B9D1: variants seen among roughly 807,000 people sequenced by gnomAD.
B9D1 encodes B9 domain-containing protein 1.
A neutral mutation model predicts 26.1 loss-of-function variants in B9D1; 20 were observed. That is an observed-to-expected ratio of 0.77 (90% CI 0.54 to 1.12). The LOEUF (loss-of-function observed/expected upper bound fraction) is 1.12, where lower values mean the gene tolerates loss of function less well. Ranked by LOEUF, B9D1 falls within the 50% of genes most tolerant of loss-of-function variation. The pLI is 0.00. For synonymous variants in B9D1, 105 were observed against 103.1 expected (o/e 1.02, Z -0.11); for missense variants, 260 against 273.7 (o/e 0.95, Z 0.35).
chr17:19,340,033 ACCC>A (rs56279237), downstream of B9D1, among the ~76,000 whole-genome samples: 13,798 of 110,728 alleles, frequency 0.12, 2,296 homozygotes, highest in African/African-American at 0.39. Context: ...CACATGCCCA[ACCC>A]CCCCCCCCCC....
At chr17:19,362,847 C>CG (rs1171878353), upstream of B9D1, 1 of 775,582 alleles carries the variant, frequency 1.3e-6, no homozygotes, top group East Asian at 3.5e-5. Context: ...GTTGACCTGT[C>CG]GGGTAAAGCC....
At chr17:19,346,206 A>G (rs924725466) in intron 5 of B9D1, among the ~76,000 whole-genome samples, 8 of 152,168 alleles carry the variant, frequency 5.3e-5, no homozygotes, top group Non-Finnish European at 1.0e-4. Context: ...GGCCCAGGTC[A>G]TCTGGGAAAG....
downstream of B9D1, among the ~76,000 whole-genome samples, chr17:19,341,575 C>G (rs12937289): frequency 6.6e-6 from 1 of 152,162 alleles, no homozygotes; most frequent in Admixed American, 6.5e-5. Context: ...CAGAAGGGAG[C>G]GCCTTAGCTA....
intron 6 of B9D1, 92 bp downstream of exon 6, chr17:19,343,698 G>A: frequency 6.2e-7 from 1 of 1,612,698 alleles, no homozygotes; most frequent in Non-Finnish European, 8.5e-7. Context: ...GTGCCTGGCA[G>A]GTCCCCGGCA....
At chr17:19,340,528 C>T (rs987726196), downstream of B9D1, among the ~76,000 whole-genome samples, 2 of 150,560 alleles carry the variant, frequency 1.3e-5, no homozygotes, top group Non-Finnish European at 3.0e-5. Flanking sequence ...GCCTGTAATC[C>T]CAACACTTTG....
downstream of B9D1, among the ~76,000 whole-genome samples, chr17:19,339,666 T>C (rs1233588679): frequency 6.6e-6 from 1 of 152,230 alleles, no homozygotes; most frequent in Non-Finnish European, 1.5e-5. Flanking sequence ...AATGGAGATG[T>C]TCCTGGCAGT....
intron 3 of B9D1, among the ~76,000 whole-genome samples, chr17:19,355,099 T>A (rs1910152874): frequency 6.6e-6 from 1 of 152,232 alleles, no homozygotes; most frequent in South Asian, 2.1e-4. Context: ...TCATCTATAT[T>A]TTCTATTCTT....
At chr17:19,367,630 T>C (rs1252237600), upstream of B9D1, among the ~76,000 whole-genome samples, 1 of 152,180 alleles carries the variant, frequency 6.6e-6, no homozygotes, top group African/African-American at 2.4e-5. Flanking sequence ...ATTTTTTATG[T>C]GTATAATTCA....
intron 5 of B9D1, among the ~76,000 whole-genome samples, chr17:19,345,628 T>A (rs1908670081): frequency 6.6e-6 from 1 of 152,170 alleles, no homozygotes; most frequent in Non-Finnish European, 1.5e-5. Context: ...CCCTAGAGCC[T>A]TGGGAGGGAG....
downstream of B9D1, among the ~76,000 whole-genome samples, chr17:19,336,906 G>T (rs1230314203): frequency 3.3e-5 from 5 of 152,298 alleles, no homozygotes; most frequent in Admixed American, 6.5e-5. Flanking sequence ...GGTGGGAGGC[G>T]TGCCTTTTGT....
At position 19,370,514 on chromosome 17, in the gene B9D1, G is replaced by A. The variant is rs1911840511; in HGVS notation, c.-298+7345C>T. 6.6e-6 allele frequency among the ~76,000 whole-genome samples: 1 copy of A among 152,224 alleles called. No homozygotes were observed. The highest frequency in any genetic ancestry group is 1.5e-5 in the Non-Finnish European group (1 of 68,034). On this transcript the variant is annotated intron_variant, in intron 1 of 5. Coordinates refer to the B9D1 transcript ENST00000477478. This position sits in a 1 kb window ranked among gnomAD's most constrained non-coding sequence, Gnocchi z 5.1. ...AAACACAGGCCTTGGGGAATGTTCT[G>A]GGATGGGCGATGTCAGCCTCAGTGT...
chr17:19,355,967 A>T (rs1312989965), intron 3 of B9D1, among the ~76,000 whole-genome samples: 2 of 151,962 alleles, frequency 1.3e-5, no homozygotes, highest in African/African-American at 4.8e-5. Context: ...TTATTGCCTT[A>T]TTTTTGCTGG....
intron 3 of B9D1, among the ~76,000 whole-genome samples, chr17:19,357,226 A>G (rs1034313301): frequency 2.0e-5 from 3 of 152,268 alleles, no homozygotes; most frequent in African/African-American, 7.2e-5. Flanking sequence ...CAGTGAAAGT[A>G]TTCATAGTCC....
chr17:19,361,320 AC>A (rs1279761276), intron 1 of B9D1, among the ~76,000 whole-genome samples: 1 of 152,166 alleles, frequency 6.6e-6, no homozygotes, highest in Non-Finnish European at 1.5e-5. Context: ...CTGGTTTTCC[AC>A]AAAACCAGTC....
rs1451258599 is a variant in B9D1 at position 19,372,721 on chromosome 17, T to C, written c.-298+5138A>G. On this transcript the variant is annotated intron_variant, in intron 1 of 5. Transcript: ENST00000477478. This position sits in a 1 kb window ranked among gnomAD's most constrained non-coding sequence, Gnocchi z 4.4. ...ACAAGAAAGGATGCCCCGGCCTCCA[T>C]GTGACGGAGCTGGATTCAAACCCAG... Among the ~76,000 whole-genome samples the C allele has an allele frequency of 6.6e-6, 1 of 152,170 alleles. No individual in the cohort carries two copies. Among genetic ancestry groups the C allele is most frequent in the Non-Finnish European group, 1.5e-5 (1 of 68,024 alleles).
At chr17:19,366,064 G>A (rs1567909890), upstream of B9D1, among the ~76,000 whole-genome samples, 2 of 151,686 alleles carry the variant, frequency 1.3e-5, no homozygotes, top group African/African-American at 2.4e-5. Context: ...TTCCTTGAAC[G>A]CCTCTCCCCT....
downstream of B9D1, among the ~76,000 whole-genome samples, chr17:19,341,490 C>A (rs1489666835): frequency 6.6e-6 from 1 of 152,182 alleles, no homozygotes; most frequent in Non-Finnish European, 1.5e-5. Flanking sequence ...CTTGAGAGCA[C>A]TGTATCTCCC....
intron 1 of B9D1, among the ~76,000 whole-genome samples, chr17:19,360,855 C>T (rs1472298650): frequency 2.6e-5 from 4 of 152,168 alleles, no homozygotes; most frequent in East Asian, 1.9e-4. Flanking sequence ...GGGCTGGGCA[C>T]AGATAAGGTC....
upstream of B9D1, chr17:19,364,723 T>G (rs1308158707): frequency 6.5e-6 from 1 of 152,904 alleles, no homozygotes; most frequent in Non-Finnish European, 1.5e-5. This position sits in a 1 kb window ranked among gnomAD's most constrained non-coding sequence, Gnocchi z 4.3. Flanking sequence ...GCCAAGTCTC[T>G]CCACCCCCAG....
Sources: allele counts gnomAD v4.1 joint callset (sites outside exome capture counted in the v4.1 genomes callset), GRCh38; gene constraint gnomAD v4.1.1; non-coding constraint Gnocchi (gnomAD v3.1); transcripts MANE v1.5; gene names NCBI Gene and HGNC (gene_info 2026-07-23, HGNC 2026-07-21).